The following TEX14 variants were observed in gnomAD, a reference collection of about 807,000 sequenced individuals.
The protein encoded by TEX14 is inactive serine/threonine-protein kinase TEX14.
Under a neutral mutation model 178.6 loss-of-function variants are expected in TEX14, and 168 were observed. The observed-to-expected ratio is 0.94, with a 90% CI of 0.83 to 1.07. TEX14 has a LOEUF of 1.07. Ranked by LOEUF, TEX14 falls within the 50% of genes least tolerant of loss-of-function variation. TEX14 has a pLI of 0.00. For missense variants in TEX14, 1,730 were observed against 1,753.6 expected, an observed-to-expected ratio of 0.99 and a Z score of 0.24; for synonymous variants, 626 against 634.1, an observed-to-expected ratio of 0.99 and a Z score of 0.19.
At chr17:58,602,794 G>A (rs1389641376) in intron 11 of TEX14, among the ~76,000 whole-genome samples, 8 of 152,098 alleles carry the variant, frequency 5.3e-5, no homozygotes, top group South Asian at 2.1e-4. Flanking sequence ...GGGGCCGGGC[G>A]TGGTGGCTTA....
At chr17:58,661,891 A>C in intron 1 of TEX14, 1 of 288,298 alleles carries the variant, frequency 3.5e-6, no homozygotes. Context: ...GTGAGGACTG[A>C]ATAAGAGAAT....
intron 1 of TEX14, among the ~76,000 whole-genome samples, chr17:58,681,471 A>AAT (rs949578861): frequency 3.9e-5 from 6 of 152,000 alleles, no homozygotes; most frequent in African/African-American, 7.3e-5. Flanking sequence ...AGTATTATGT[A>AAT]ATATATATAT....
intron 2 of TEX14, among the ~76,000 whole-genome samples, chr17:58,650,952 CAG>C (rs1567758690): frequency 6.6e-6 from 1 of 152,134 alleles, no homozygotes; most frequent in Non-Finnish European, 1.5e-5. Context: ...AGAAAAGAGA[CAG>C]GGGATCAAGC....
At chr17:58,676,876 ATCCC>A (rs1259289487) in intron 1 of TEX14, among the ~76,000 whole-genome samples, 2 of 152,048 alleles carry the variant, frequency 1.3e-5, no homozygotes, top group East Asian at 3.9e-4. Flanking sequence ...CACGCCTGTA[ATCCC>A]AGTACTTTGG....
intron 2 of TEX14, among the ~76,000 whole-genome samples, chr17:58,650,625 C>T (rs302843): frequency 0.64 from 96,740 of 151,780 alleles, 31,181 homozygotes; most frequent in African/African-American, 0.71. Flanking sequence ...CTAGTGATTT[C>T]TTTATTTTTT....
At chr17:58,602,064 G>T in intron 12 of TEX14, 108 bp from the exon 13 acceptor site, 1 of 1,198,774 alleles carries the variant, frequency 8.3e-7, no homozygotes, top group Non-Finnish European at 1.2e-6. Flanking sequence ...ATTCCTGTTG[G>T]GTAGACTGAC....
In TEX14 at chr17:58,570,397, T is replaced by TC; in HGVS notation, c.3804dup (p.Ser1269GlufsTer4). 6.6e-7 allele frequency: 1 copy of TC among 1,515,178 alleles called. No homozygotes were observed. The highest frequency in any genetic ancestry group is 8.7e-7 in the Non-Finnish European group (1 of 1,144,124). 93.9% of individuals were successfully genotyped at this position (1,515,178 alleles called of 1,614,324 possible). A position where few individuals can be genotyped will look rare whatever the true frequency, so the allele number is the denominator to read the frequency against. On this transcript the variant is annotated frameshift_variant, in exon 25 of 32. Transcript: ENST00000349033. LOFTEE classifies it high-confidence loss of function. ...AAACACAGGGTACCTTTAGGCAGGC[T>TC]CCTTCTCTGGGTGGCATGGGGTGGT...
intron 2 of TEX14, among the ~76,000 whole-genome samples, chr17:58,639,612 A>AT (rs2046526512): frequency 6.6e-6 from 1 of 152,154 alleles, no homozygotes; most frequent in South Asian, 2.1e-4. Flanking sequence ...AGGCAGGAGA[A>AT]TCGCTTGAAC....
chr17:58,659,255 G>A (rs968079179), intron 1 of TEX14: 42 of 759,232 alleles, frequency 5.5e-5, no homozygotes, highest in Middle Eastern at 6.6e-4. Context: ...CCTCCCCCAA[G>A]AAAAACACTT....
chr17:58,561,403 G>T, intron 29 of TEX14, 117 bp downstream of exon 29: 1 of 729,944 alleles, frequency 1.4e-6, no homozygotes, highest in Admixed American at 2.1e-5. Context: ...TGGAGTCAGG[G>T]CTGGCTTATC....
At chr17:58,609,613 C>G (rs1410570906) in intron 10 of TEX14, among the ~76,000 whole-genome samples, 1 of 152,178 alleles carries the variant, frequency 6.6e-6, no homozygotes, top group African/African-American at 2.4e-5. Context: ...CCTAAGAACA[C>G]AGCATCCCAG....
intron 20 of TEX14, among the ~76,000 whole-genome samples, chr17:58,578,249 C>A (rs1262344516): frequency 1.3e-5 from 2 of 152,152 alleles, no homozygotes; most frequent in Non-Finnish European, 2.9e-5. Flanking sequence ...ATTGGGGGTT[C>A]CTCTTCCTCT....
rs375454273 is a variant in TEX14 at position 58,639,370 on chromosome 17, T to C, written c.137-8816A>G. The stretch of plus-strand genomic sequence containing the variant: ...CCAGTAGTGTATACTGGTTGGGTGA[T>C]GGGTGTACCAAAATCTCACAAGTCA... On this transcript the variant is annotated intron_variant, in intron 2 of 31. Transcript: ENST00000349033. Among the ~76,000 whole-genome samples the C allele has an allele frequency of 4.6e-5, 7 of 151,772 alleles. No individual in the cohort carries two copies. The East Asian group carries it at 1.2e-3, about 25-fold the overall frequency.
At chr17:58,684,290 C>T (rs1244449984) in intron 1 of TEX14, among the ~76,000 whole-genome samples, 1 of 151,650 alleles carries the variant, frequency 6.6e-6, no homozygotes, top group Admixed American at 6.6e-5. Flanking sequence ...GATGAAACCC[C>T]ATCTCTACTA....
chr17:58,653,072 G>A (rs1351553866), intron 1 of TEX14, among the ~76,000 whole-genome samples: 1 of 152,110 alleles, frequency 6.6e-6, no homozygotes, highest in East Asian at 1.9e-4. Flanking sequence ...GAGTAGTTGG[G>A]ACTACAGGCG....
chr17:58,635,934 C>G (rs971452247), intron 2 of TEX14, among the ~76,000 whole-genome samples: 1 of 151,358 alleles, frequency 6.6e-6, no homozygotes. Flanking sequence ...TTAGTAGAGA[C>G]AGGTTTCACC....
chr17:58,605,162 G>A, intron 10 of TEX14, 33 bp from the exon 11 acceptor site: 3 of 1,601,592 alleles, frequency 1.9e-6, no homozygotes, highest in South Asian at 1.1e-5. Flanking sequence ...CAGCGCTCAT[G>A]CCTTAAAGGG....
intron 17 of TEX14, 65 bp downstream of exon 17, chr17:58,587,516 C>T: frequency 2.0e-6 from 2 of 1,009,304 alleles, no homozygotes; most frequent in South Asian, 2.9e-5. Context: ...TTAGAAATAT[C>T]AACCACATTA....
chr17:58,662,272 A>G (rs2047128005), intron 1 of TEX14, among the ~76,000 whole-genome samples: 1 of 151,836 alleles, frequency 6.6e-6, no homozygotes. Context: ...AACACGGTGA[A>G]ACCCCATCTC....
Sources: allele counts gnomAD v4.1 joint callset (sites outside exome capture counted in the v4.1 genomes callset), GRCh38; gene constraint gnomAD v4.1.1; transcripts MANE v1.5; gene names NCBI Gene and HGNC (gene_info 2026-07-23, HGNC 2026-07-21).